TLE1: variants seen among roughly 807,000 people sequenced by gnomAD.
TLE1 encodes transducin-like enhancer protein 1.
Under a neutral mutation model 89.8 loss-of-function variants are expected in TLE1, and 21 were observed. The observed-to-expected ratio is 0.23, with a 90% CI of 0.17 to 0.34. The LOEUF (loss-of-function observed/expected upper bound fraction) is 0.34, where lower values mean the gene tolerates loss of function less well. TLE1 is among the 10% of genes least tolerant of loss of function. The probability of loss-of-function intolerance (pLI) is 1.00; values close to 1 mark genes in which losing one functional copy is unlikely to be tolerated. For missense variants in TLE1, 795 were observed against 1,031.2 expected (o/e 0.77, Z 3.14); for synonymous variants, 447 against 407.6 (o/e 1.10, Z -1.16).
At chr9:81,646,616 T>G (rs1304894679) in intron 6 of TLE1, among the ~76,000 whole-genome samples, 5 of 152,196 alleles carry the variant, frequency 3.3e-5, no homozygotes, top group Admixed American at 1.3e-4. Flanking sequence ...ATCCCATAGA[T>G]AGCTGACAGC....
At chr9:81,609,638 G>A (rs758329199) in intron 14 of TLE1, among the ~76,000 whole-genome samples, 4 of 151,898 alleles carry the variant, frequency 2.6e-5, no homozygotes, top group Admixed American at 6.6e-5. Flanking sequence ...GCTTCCCCAC[G>A]AAGCCACTTT....
At chr9:81,636,773 G>C (rs1198912520) in intron 6 of TLE1, among the ~76,000 whole-genome samples, 1 of 152,154 alleles carries the variant, frequency 6.6e-6, no homozygotes, top group East Asian at 1.9e-4. Context: ...GGGGGCCCAA[G>C]GCAAGTGGAT....
intron 14 of TLE1, among the ~76,000 whole-genome samples, chr9:81,603,890 G>A (rs535700180): frequency 3.9e-5 from 6 of 152,020 alleles, no homozygotes; most frequent in Admixed American, 3.3e-4. Flanking sequence ...TAATCCCAGC[G>A]ACTCGGGAGG....
chr9:81,621,668 T>C (rs1291977752), intron 8 of TLE1, among the ~76,000 whole-genome samples: 3 of 152,198 alleles, frequency 2.0e-5, no homozygotes, highest in Non-Finnish European at 2.9e-5. Flanking sequence ...TTTTATGGTA[T>C]CTTTTTAAAA....
intron 14 of TLE1, among the ~76,000 whole-genome samples, chr9:81,609,614 C>T (rs1823443589): frequency 6.6e-6 from 1 of 152,118 alleles, no homozygotes; most frequent in South Asian, 2.1e-4. Context: ...ACAAAATGAA[C>T]ATTAACTTTT....
At chr9:81,668,787 G>C (rs1831833419) in intron 4 of TLE1, among the ~76,000 whole-genome samples, 1 of 152,106 alleles carries the variant, frequency 6.6e-6, no homozygotes, top group African/African-American at 2.4e-5. Flanking sequence ...TATTGTCTAA[G>C]ATATACTAGG....
At position 81,593,128 on chromosome 9, in the gene TLE1, C is replaced by T; in HGVS notation, c.1478G>A (p.Ser493Asn). 6.2e-7 allele frequency: 1 copy of T among 1,614,144 alleles called. No homozygotes were observed. The change falls in exon 15 of 20, where the codon AGC becomes AAC. Residue 493 changes from serine (S) to asparagine (N), a missense_variant. Physicochemically the swap from Ser to Asn is conservative, Grantham distance 46. Around this residue, in one of 4 missense-constraint regions of TLE1, gnomAD observed 468 missense variants for 509.1 expected, o/e 0.92. Coordinates refer to ENST00000376499, the MANE Select transcript of TLE1 (RefSeq NM_005077.5). The part of the protein sequence containing the change: ...HGEVVCAVTI[S>N]NPTRHVYTGG... The stretch of plus-strand genomic sequence containing the variant: ...TGTGTACACGTGTCTCGTGGGGTTG[C>T]TGATGGTCACAGCGCACACCACCTC...
At chr9:81,587,907 C>CGTGTGTGTGT (rs71496083) in intron 16 of TLE1, 79 bp from the exon 17 acceptor site, 67 of 753,906 alleles carry the variant, frequency 8.9e-5, no homozygotes, top group Admixed American at 7.2e-4. Flanking sequence ...AGTTTTGGAC[C>CGTGTGTGTGT]GTGTGTGTGT....
intron 17 of TLE1, among the ~76,000 whole-genome samples, chr9:81,586,022 T>C (rs1265896388): frequency 6.6e-6 from 1 of 150,378 alleles, no homozygotes; most frequent in Admixed American, 6.6e-5. Context: ...GGTGACTTTT[T>C]TTTTTTTTTT....
At chr9:81,631,047 A>C (rs1244402447) in intron 8 of TLE1, among the ~76,000 whole-genome samples, 3 of 152,244 alleles carry the variant, frequency 2.0e-5, no homozygotes, top group African/African-American at 7.2e-5. Context: ...ATATTCATTG[A>C]AATGATTAGA....
intron 14 of TLE1, among the ~76,000 whole-genome samples, chr9:81,596,553 T>C (rs1255287362): frequency 6.6e-6 from 1 of 152,160 alleles, no homozygotes; most frequent in African/African-American, 2.4e-5. Flanking sequence ...AGAAGGAAAC[T>C]TAACTTTCTC....
At chr9:81,650,731 G>C (rs1008520312) in intron 6 of TLE1, among the ~76,000 whole-genome samples, 3 of 152,156 alleles carry the variant, frequency 2.0e-5, no homozygotes, top group African/African-American at 7.2e-5. Flanking sequence ...GGCAGTGCCT[G>C]GATCTGGGGG....
intron 4 of TLE1, among the ~76,000 whole-genome samples, chr9:81,661,414 G>A (rs1041158331): frequency 4.0e-5 from 6 of 151,614 alleles, no homozygotes; most frequent in Non-Finnish European, 8.8e-5. Flanking sequence ...CTCAAAACAG[G>A]GTGAGGACTG....
intron 6 of TLE1, among the ~76,000 whole-genome samples, chr9:81,637,228 C>A (rs1428438921): frequency 6.6e-6 from 1 of 151,850 alleles, no homozygotes; most frequent in East Asian, 1.9e-4. Flanking sequence ...CGTGGTGGTG[C>A]ATGCCTGTAA....
chr9:81,680,934 AAAAAAAAC>A (rs1303450748), intron 4 of TLE1, among the ~76,000 whole-genome samples: 1 of 150,794 alleles, frequency 6.6e-6, no homozygotes, highest in Non-Finnish European at 1.5e-5. Flanking sequence ...AGGGTTAAAA[AAAAAAAAC>A]AAAAAAAACA....
Position 81,616,639 on chromosome 9 carries a change from T to C in TLE1, c.765+7A>G, listed in dbSNP as rs541491256. 36 of 1,613,684 alleles carry C rather than the reference T, an allele frequency of 2.2e-5. No homozygotes were observed. In the African/African-American group the frequency reaches 4.5e-4, roughly 20 times the overall value. ...TGAAGACAAACTTTGATGAAAAGAA[T>C]GGTTACCTCATTAGACACATCCACA... On this transcript the variant is annotated splice_region_variant and intron_variant, in intron 10 of 19. Transcript: ENST00000376499.
chr9:81,629,415 A>G (rs921362502), intron 8 of TLE1, among the ~76,000 whole-genome samples: 1 of 152,180 alleles, frequency 6.6e-6, no homozygotes, highest in Non-Finnish European at 1.5e-5. Context: ...CTTATATAAG[A>G]AAAAACAGAA....
chr9:81,631,208 G>A (rs1826555452), intron 8 of TLE1, among the ~76,000 whole-genome samples: 1 of 152,194 alleles, frequency 6.6e-6, no homozygotes, highest in South Asian at 2.1e-4. Flanking sequence ...CATACTTCTT[G>A]AAGGGGACAA....
rs2133180193 is a variant in TLE1 at position 81,685,899 on chromosome 9, A to G, written c.126-3T>C. 1 of 1,613,024 alleles carries G rather than the reference A, an allele frequency of 6.2e-7. No homozygotes were observed. The highest frequency in any genetic ancestry group is 8.5e-7 in the Non-Finnish European group (1 of 1,180,012). The stretch of plus-strand genomic sequence containing the variant: ...GTTTCTCACATTCCAATTTAAGGCT[A>G]GGAAAACAAAACAGGCAACTTAATG... On this transcript the variant is annotated splice_region_variant and splice_polypyrimidine_tract_variant and intron_variant, in intron 2 of 19. Transcript: ENST00000376499.
Sources: gnomAD v4.1 joint callset for allele counts (sites outside exome capture counted in the v4.1 genomes callset) on GRCh38, gnomAD v4.1.1 for gene constraint, gnomAD v4.1.1 regional missense constraint, MANE v1.5 for transcripts, NCBI Gene and HGNC (gene_info 2026-07-23, HGNC 2026-07-21) for gene names.